Variants in PDE4B observed in about 807,000 individuals in gnomAD.
The protein encoded by PDE4B is 3',5'-cyclic-AMP phosphodiesterase 4B.
A neutral mutation model predicts 82.2 loss-of-function variants in PDE4B; 20 were observed. The observed-to-expected ratio is 0.24, with a 90% confidence interval of 0.17 to 0.35. The LOEUF (loss-of-function observed/expected upper bound fraction) is 0.35, where lower values mean the gene tolerates loss of function less well. PDE4B is among the 10% of genes least tolerant of loss of function. The probability of loss-of-function intolerance (pLI) is 1.00; values close to 1 mark genes in which losing one functional copy is unlikely to be tolerated. For synonymous variants in PDE4B, 320 were observed against 318.9 expected (o/e 1.00, Z -0.04); for missense variants, 655 against 907.2 (o/e 0.72, Z 3.57).
intron 3 of PDE4B, among the ~76,000 whole-genome samples, chr1:65,957,437 T>A (rs558052247): frequency 1.8e-4 from 27 of 148,206 alleles, no homozygotes; most frequent in African/African-American, 6.7e-4. Context: ...GTTTGGCCTG[T>A]GTGTCTGTCC....
rs554798098 is a variant in PDE4B at position 65,898,508 on chromosome 1, A to G, written c.-70-14737A>G. Among the ~76,000 whole-genome samples, 5 of 152,244 alleles carry G rather than the reference A, an allele frequency of 3.3e-5. No homozygotes were observed. In the East Asian group the frequency reaches 9.6e-4, roughly 29 times the overall value. On this transcript the variant is annotated intron_variant, in intron 1 of 16. Transcript: ENST00000341517. ...ACCAAAAAAGAGGCTGCATAGCCAA[A>G]GCAAGACTAAGCAAAAATAACAAAT...
At chr1:65,982,782 G>A (rs1023013024) in intron 3 of PDE4B, among the ~76,000 whole-genome samples, 3 of 152,180 alleles carry the variant, frequency 2.0e-5, no homozygotes, top group African/African-American at 4.8e-5. Flanking sequence ...TGGGTTGATT[G>A]AACTATCTGG....
intron 4 of PDE4B, among the ~76,000 whole-genome samples, chr1:66,252,828 C>T (rs1357464714): frequency 1.3e-5 from 2 of 152,038 alleles, no homozygotes; most frequent in South Asian, 2.1e-4. Flanking sequence ...GGTCCCAGCT[C>T]CTCAGGAGGC....
chr1:65,834,911 T>C (rs771827166), intron 1 of PDE4B, among the ~76,000 whole-genome samples: 6 of 152,174 alleles, frequency 3.9e-5, no homozygotes, highest in Non-Finnish European at 8.8e-5. Context: ...ATCATCAAAC[T>C]CTGTAAATCA....
intron 1 of PDE4B, among the ~76,000 whole-genome samples, chr1:65,809,798 A>G (rs549881775): frequency 1.3e-5 from 2 of 152,328 alleles, no homozygotes; most frequent in African/African-American, 4.8e-5. Context: ...TGTTTCTGGT[A>G]TTACTGCCTG....
chr1:65,961,229 G>T (rs2100597280), intron 3 of PDE4B, among the ~76,000 whole-genome samples: 1 of 152,194 alleles, frequency 6.6e-6, no homozygotes, highest in Non-Finnish European at 1.5e-5. Context: ...TCTTTGAAGA[G>T]GGAAAAAACT....
chr1:66,055,661 G>C (rs777174331), intron 3 of PDE4B, among the ~76,000 whole-genome samples: 12 of 152,130 alleles, frequency 7.9e-5, no homozygotes, highest in Non-Finnish European at 1.5e-4. Context: ...GATTTAAGTA[G>C]ATGCTTTTCT....
chr1:66,066,759 A>G (rs2100913201), intron 3 of PDE4B, among the ~76,000 whole-genome samples: 1 of 152,086 alleles, frequency 6.6e-6, no homozygotes, highest in Non-Finnish European at 1.5e-5. Flanking sequence ...CATGAAGCCT[A>G]TTATTTAAGA....
At chr1:65,805,662 A>G (rs1397635724) in intron 1 of PDE4B, among the ~76,000 whole-genome samples, 1 of 152,178 alleles carries the variant, frequency 6.6e-6, no homozygotes, top group Non-Finnish European at 1.5e-5. Flanking sequence ...TTCCTAAGGA[A>G]GAGTATTTAA....
intron 3 of PDE4B, among the ~76,000 whole-genome samples, chr1:65,966,080 T>G (rs1569840223): frequency 6.6e-6 from 1 of 152,256 alleles, no homozygotes; most frequent in East Asian, 1.9e-4. Flanking sequence ...ATAAAGGGTA[T>G]TCAAATAGGA....
intron 1 of PDE4B, among the ~76,000 whole-genome samples, chr1:65,894,431 A>G (rs1169794867): frequency 6.6e-6 from 1 of 152,150 alleles, no homozygotes; most frequent in African/African-American, 2.4e-5. Context: ...TAACTTCTAG[A>G]AGGAAATATA....
rs1349165524 is a variant in PDE4B, at chr1:66,189,159, GC to G, written c.282-58296del. The stretch of plus-strand genomic sequence containing the variant: ...TTTTCTTTAAGAATGTTGAATATTG[GC>G]CCCCACTCTCTGCTGGCTTGTAGAG... On this transcript the variant is annotated intron_variant, in intron 3 of 16. Coordinates refer to ENST00000341517, the MANE Select transcript of PDE4B (RefSeq NM_002600.4). 5.3e-5 allele frequency among the ~76,000 whole-genome samples: 8 copies of G among 152,004 alleles called. No individual in the cohort carries two copies. In the South Asian group the frequency reaches 1.5e-3, roughly 28 times the overall value.
chr1:65,847,508 C>T (rs1646280439), intron 1 of PDE4B, among the ~76,000 whole-genome samples: 1 of 152,172 alleles, frequency 6.6e-6, no homozygotes, highest in Non-Finnish European at 1.5e-5. Flanking sequence ...GATGGGGCTA[C>T]CTCTTTCTCT....
chr1:66,062,349 G>A (rs1655621840), intron 3 of PDE4B, among the ~76,000 whole-genome samples: 1 of 152,032 alleles, frequency 6.6e-6, no homozygotes, highest in South Asian at 2.1e-4. Context: ...TAGCATCATG[G>A]AGGGTTTATA....
chr1:66,260,914 C>T (rs1016069990), intron 6 of PDE4B, among the ~76,000 whole-genome samples: 9 of 152,156 alleles, frequency 5.9e-5, no homozygotes, highest in Admixed American at 2.6e-4. Context: ...CAAAGCAAGC[C>T]ATGCTTATCA....
Position 66,021,788 on chromosome 1 carries a change from A to G in PDE4B, c.281+102953A>G, listed in dbSNP as rs926425067. 1.0e-3 allele frequency among the ~76,000 whole-genome samples: 158 copies of G among 152,090 alleles called. 1 individual carries two copies. The highest frequency in any genetic ancestry group is 1.9e-3 in the Non-Finnish European group (128 of 67,998). On this transcript the variant is annotated intron_variant, in intron 3 of 16. Coordinates refer to ENST00000341517, the MANE Select transcript of PDE4B (RefSeq NM_002600.4). The stretch of plus-strand genomic sequence containing the variant: ...TCTTTTGGCTTAGGATTGTCTTGGC[A>G]ATGCGGGCTCTTTTTTGGTTCCATA...
intron 15 of PDE4B, 106 bp downstream of exon 15, chr1:66,368,171 G>A (rs1663389615): frequency 8.6e-7 from 1 of 1,163,234 alleles, no homozygotes; most frequent in African/African-American, 1.6e-5. Context: ...TATATCCTAG[G>A]CTACTCCTAT....
At chr1:65,805,325 CAG>C (rs1156696855) in intron 1 of PDE4B, among the ~76,000 whole-genome samples, 1 of 152,144 alleles carries the variant, frequency 6.6e-6, no homozygotes, top group African/African-American at 2.4e-5. Flanking sequence ...TCCATTCTGA[CAG>C]AGCATGGTGG....
rs2050890927 is a variant in PDE4B, at chr1:66,374,313, G to T, written c.*1635G>T. On this transcript the variant is annotated 3_prime_UTR_variant, in exon 17 of 17. Coordinates refer to ENST00000341517, the MANE Select transcript of PDE4B (RefSeq NM_002600.4). ...TGTGAAGCCTCTTCTGATAACACTT[G>T]TTAGGCCTCTTACTGATGTCAGTTT... 1.3e-5 allele frequency: 2 copies of T among 152,622 alleles called. No homozygotes were observed. The highest frequency in any genetic ancestry group is 1.3e-4 in the Admixed American group (2 of 15,278). The allele number at this position is 152,622 out of a possible 1,614,324, so 9.5% of individuals were successfully genotyped here.
Sources: gnomAD v4.1 joint callset for allele counts (sites outside exome capture counted in the v4.1 genomes callset) on GRCh38, gnomAD v4.1.1 for gene constraint, MANE v1.5 for transcripts, NCBI Gene and HGNC (gene_info 2026-07-23, HGNC 2026-07-21) for gene names.